RPTOR: variants seen among roughly 807,000 people sequenced by gnomAD.
RPTOR encodes the protein regulatory-associated protein of mTOR.
Under a neutral mutation model 169.9 loss-of-function variants are expected in RPTOR, and 21 were observed. The observed-to-expected ratio is 0.12, with a 90% CI of 0.09 to 0.18. The LOEUF (loss-of-function observed/expected upper bound fraction) is 0.18, where lower values mean the gene tolerates loss of function less well. RPTOR is among the 10% of genes least tolerant of loss of function. The pLI is 1.00. For missense variants in RPTOR, 1,133 were observed against 1,855.9 expected (o/e 0.61, Z 7.16); for synonymous variants, 732 against 753.2 (o/e 0.97, Z 0.46).
chr17:80,650,609 CT>C (rs2065632678), intron 3 of RPTOR, among the ~76,000 whole-genome samples: 1 of 152,204 alleles, frequency 6.6e-6, no homozygotes, highest in Non-Finnish European at 1.5e-5. Context: ...ACTATTTAAA[CT>C]TTTAAAATTT....
intron 2 of RPTOR, among the ~76,000 whole-genome samples, chr17:80,630,460 G>A (rs1240700170): frequency 2.0e-5 from 3 of 152,222 alleles, no homozygotes; most frequent in East Asian, 3.8e-4. Flanking sequence ...CTGCATGTGT[G>A]TATAAGTATG....
chr17:80,715,696 G>T (rs1456915242), intron 4 of RPTOR, among the ~76,000 whole-genome samples: 1 of 113,326 alleles, frequency 8.8e-6, no homozygotes, highest in Non-Finnish European at 1.8e-5. Context: ...CTGCACCCTT[G>T]TAGTCTTTTA....
chr17:80,690,014 C>T (rs2065977359), intron 3 of RPTOR, among the ~76,000 whole-genome samples: 1 of 152,176 alleles, frequency 6.6e-6, no homozygotes, highest in Non-Finnish European at 1.5e-5. Flanking sequence ...TAAAAGCATT[C>T]TAGGGGAGAG....
chr17:80,918,342 C>T (rs1181673198), intron 21 of RPTOR, among the ~76,000 whole-genome samples: 4 of 152,172 alleles, frequency 2.6e-5, no homozygotes, highest in African/African-American at 2.4e-5. Context: ...TCTGGGGTGG[C>T]GGCCGGGAAT....
intron 21 of RPTOR, among the ~76,000 whole-genome samples, chr17:80,917,933 C>T (rs1483983010): frequency 2.6e-5 from 4 of 152,190 alleles, no homozygotes; most frequent in African/African-American, 7.2e-5. Context: ...CACCAAGCCA[C>T]GGGCGTGCAC....
Position 80,940,723 on chromosome 17 carries a change from C to T in RPTOR, c.3025+122C>T, listed in dbSNP as rs565259470. 399 of 729,106 alleles carry T rather than the reference C, an allele frequency of 5.5e-4. 3 individuals are homozygous for T. The South Asian group carries it at 5.9e-3, about 11-fold the overall frequency. The allele number at this position is 729,106 out of a possible 1,614,324, so 45.2% of individuals were successfully genotyped here. On this transcript the variant is annotated intron_variant, in intron 25 of 33. Coordinates refer to ENST00000306801, the MANE Select transcript of RPTOR (RefSeq NM_020761.3). Reference sequence around the variant, plus strand: ...CCTTCTCCAGCCATCCACTGTCCCACGACAGACCCGCCCCGCACCCCACCT... The same window carrying T: ...CCTTCTCCAGCCATCCACTGTCCCATGACAGACCCGCCCCGCACCCCACCT...
chr17:80,599,570 A>G (rs2065170443), intron 1 of RPTOR, among the ~76,000 whole-genome samples: 1 of 152,004 alleles, frequency 6.6e-6, no homozygotes, highest in Non-Finnish European at 1.5e-5. Flanking sequence ...TGGCTGCCTG[A>G]AGGGCCTCCT....
At chr17:80,569,525 A>G (rs1029581953) in intron 1 of RPTOR, among the ~76,000 whole-genome samples, 1 of 152,138 alleles carries the variant, frequency 6.6e-6, no homozygotes, top group African/African-American at 2.4e-5. Flanking sequence ...ACTCTGTCTC[A>G]AAAAAATGAA....
At chr17:80,709,910 G>A (rs2066173067) in intron 4 of RPTOR, among the ~76,000 whole-genome samples, 1 of 151,832 alleles carries the variant, frequency 6.6e-6, no homozygotes, top group Non-Finnish European at 1.5e-5. Flanking sequence ...TATGAATTGT[G>A]TCTCTCTTCT....
At chr17:80,875,654 G>A (rs1175961033) in intron 13 of RPTOR, among the ~76,000 whole-genome samples, 1 of 152,004 alleles carries the variant, frequency 6.6e-6, no homozygotes, top group Non-Finnish European at 1.5e-5. Flanking sequence ...TGAGCCCCGA[G>A]TCTCTGCCGG....
intron 1 of RPTOR, among the ~76,000 whole-genome samples, chr17:80,594,295 T>G (rs2065128959): frequency 1.3e-5 from 2 of 152,172 alleles, no homozygotes; most frequent in South Asian, 4.1e-4. Flanking sequence ...GGTTTCACCA[T>G]GTTGGCCAGG....
intron 6 of RPTOR, chr17:80,774,337 G>C (rs1434684567): frequency 2.0e-6 from 2 of 985,388 alleles, no homozygotes; most frequent in Non-Finnish European, 2.4e-6. Context: ...GTAAGCTGTT[G>C]AGTATGAATT....
chr17:80,556,565 A>G lies in RPTOR; in HGVS notation c.162+10774A>G, dbSNP rs530574542. ...TGGGAGCCACAAAAGAGGCGGCTGC[A>G]GTAGGAATGGACGATAGAGCATGGA... On this transcript the variant is annotated intron_variant, in intron 1 of 33. Transcript: ENST00000306801. 2.0e-3 allele frequency among the ~76,000 whole-genome samples: 300 copies of G among 152,298 alleles called. 1 individual carries two copies. Among genetic ancestry groups the G allele is most frequent in the African/African-American group, 7.0e-3 (290 of 41,568 alleles).
intron 25 of RPTOR, among the ~76,000 whole-genome samples, chr17:80,942,757 C>A (rs1308117166): frequency 2.6e-5 from 4 of 152,258 alleles, no homozygotes; most frequent in African/African-American, 9.6e-5. Context: ...GTTGGGAAAG[C>A]CCTGTGTCAC....
chr17:80,799,181 T>C (rs1477060020), intron 7 of RPTOR, among the ~76,000 whole-genome samples: 3 of 152,232 alleles, frequency 2.0e-5, no homozygotes, highest in Non-Finnish European at 4.4e-5. Flanking sequence ...TTTTTAATTA[T>C]AGTTTTAAGA....
chr17:80,685,644 T>A (rs8077565), intron 3 of RPTOR, among the ~76,000 whole-genome samples: 3,343 of 72,280 alleles, frequency 0.046, 286 homozygotes, highest in East Asian at 0.11. Flanking sequence ...TTTTTTTTTT[T>A]TTTTTTTTTT....
At chr17:80,869,589 T>C (rs766306346) in intron 13 of RPTOR, among the ~76,000 whole-genome samples, 12 of 151,844 alleles carry the variant, frequency 7.9e-5, no homozygotes, top group Non-Finnish European at 1.5e-4. Context: ...CAGAGGACAG[T>C]TGTGAACAAT....
At chr17:80,788,765 A>G (rs973601295) in intron 6 of RPTOR, among the ~76,000 whole-genome samples, 1 of 152,244 alleles carries the variant, frequency 6.6e-6, no homozygotes, top group African/African-American at 2.4e-5. Context: ...GTCGCCAAAT[A>G]ATAAGCACTA....
chr17:80,825,104 G>A lies in RPTOR; in HGVS notation c.1136+1881G>A, dbSNP rs1361243795. The stretch of plus-strand genomic sequence containing the variant: ...CTAGAGGCCACGTGGCGAGGTCAGC[G>A]TGGGGCAGCCACATCCCACCTCTCT... On this transcript the variant is annotated intron_variant, in intron 9 of 33. Transcript: ENST00000306801. Among the ~76,000 whole-genome samples, 9 of 143,202 alleles carry A rather than the reference G, an allele frequency of 6.3e-5. 1 individual carries two copies. The highest frequency in any genetic ancestry group is 4.2e-4 in the Admixed American group (6 of 14,412). The allele number at this position is 143,202 out of a possible 152,430, so 93.9% of individuals were successfully genotyped here. A position where few individuals can be genotyped will look rare whatever the true frequency, so the allele number is the denominator to read the frequency against.
Sources: gnomAD v4.1 joint callset for allele counts (sites outside exome capture counted in the v4.1 genomes callset) on GRCh38, gnomAD v4.1.1 for gene constraint, MANE v1.5 for transcripts, NCBI Gene and HGNC (gene_info 2026-07-23, HGNC 2026-07-21) for gene names.